The following DMD variants were observed in gnomAD, a reference collection of about 807,000 sequenced individuals.
DMD encodes the protein dystrophin, also known as mutant dystrophin.
DMD carries 63 observed loss-of-function variants against 330.1 expected under a neutral mutation model. The ratio of observed to expected loss-of-function variants is 0.19; its 90% CI spans 0.16 to 0.24. DMD has a LOEUF of 0.24. Among genes scored for constraint, DMD ranks in the 10% least tolerant of loss-of-function variants. DMD has a pLI of 1.00. For synonymous variants in DMD, 1,223 were observed against 959.8 expected (o/e 1.27, Z -5.07); for missense variants, 3,344 against 2,684.1 (o/e 1.25, Z -5.43).
intron 1 of DMD, among the ~76,000 whole-genome samples, chrX:33,039,000 G>T (rs1482083440): frequency 1.8e-5 from 2 of 109,943 alleles, no homozygotes; most frequent in East Asian, 5.7e-4. Flanking sequence ...TCTCAAAAAA[G>T]AAAAAAAAGA....
chrX:32,345,923 T>G lies in DMD; in HGVS notation c.5586+20A>C, dbSNP rs1450070379. ...AAAAAAAACCACAGGCAAGGTATAT[T>G]ATAATTTTAGCTCTAATACCTTGAG... is the stretch of plus-strand genomic sequence containing the variant. On this transcript the variant is annotated intron_variant, in intron 39 of 78. Coordinates refer to ENST00000357033, the MANE Select transcript of DMD (RefSeq NM_004006.3). 2 of 1,206,579 alleles carry G rather than the reference T, an allele frequency of 1.7e-6. No individual in the cohort carries two copies. The highest frequency in any genetic ancestry group is 6.0e-5 in the East Asian group (2 of 33,600).
intron 11 of DMD, among the ~76,000 whole-genome samples, chrX:32,640,885 T>C (rs1337297296): frequency 2.7e-5 from 3 of 111,294 alleles, no homozygotes; most frequent in Admixed American, 9.6e-5. Flanking sequence ...TTCAAAGCCC[T>C]GACTGACACT....
chrX:32,513,187 T>TCA (rs10682174), intron 18 of DMD, among the ~76,000 whole-genome samples: 8,194 of 111,841 alleles, frequency 0.073, 554 homozygotes, highest in African/African-American at 0.21. Context: ...CCAGAGAACA[T>TCA]CAGACTGGCT....
chrX:31,888,077 C>T (rs186784468), intron 47 of DMD, among the ~76,000 whole-genome samples: 18 of 111,234 alleles, frequency 1.6e-4, no homozygotes, highest in South Asian at 3.8e-4. Context: ...TGTTACTTGG[C>T]GGCTGGACTA....
intron 1 of DMD, among the ~76,000 whole-genome samples, chrX:33,103,077 T>TATCTGGTA (rs1306218073): frequency 8.9e-6 from 1 of 111,842 alleles, no homozygotes; most frequent in Non-Finnish European, 1.9e-5. Context: ...GGAATGAGCC[T>TATCTGGTA]ATCTGGTAGG....
chrX:31,126,552 T>TGCAC (rs2033685884), intron 78 of DMD, 90 bp downstream of exon 78: 2 of 792,537 alleles, frequency 2.5e-6, no homozygotes, highest in Admixed American at 4.5e-5. Context: ...CACATGCGCG[T>TGCAC]GCACACACAC....
In DMD at chrX:32,055,091, A is replaced by T. The variant is rs765112723; in HGVS notation, c.6439-86577T>A. Reference sequence around the variant, plus strand: ...CAGCCCATCATAGAGTAGAAGAAACACCGGCCTGGGAGGACAAGTGCCTGT... The same window carrying T: ...CAGCCCATCATAGAGTAGAAGAAACTCCGGCCTGGGAGGACAAGTGCCTGT... On this transcript the variant is annotated intron_variant, in intron 44 of 78. Coordinates refer to ENST00000357033, the MANE Select transcript of DMD (RefSeq NM_004006.3). Among the ~76,000 whole-genome samples the T allele has an allele frequency of 6.7e-4, 75 of 111,600 alleles. 1 individual carries two copies. Among genetic ancestry groups the T allele is most frequent in the Non-Finnish European group, 1.2e-3 (66 of 52,969 alleles).
At chrX:33,205,763 C>T (rs1192330387) in intron 1 of DMD, among the ~76,000 whole-genome samples, 1 of 111,858 alleles carries the variant, frequency 8.9e-6, no homozygotes. Flanking sequence ...GGTAATTGTG[C>T]TCAGCTAACA....
At chrX:33,134,521 C>G (rs1225679891) in intron 1 of DMD, among the ~76,000 whole-genome samples, 2 of 111,605 alleles carry the variant, frequency 1.8e-5, no homozygotes, top group Admixed American at 1.9e-4. Flanking sequence ...CTAAAACATT[C>G]AACACCTCAC....
At chrX:31,445,732 G>C (rs1195900535) in intron 59 of DMD, among the ~76,000 whole-genome samples, 1 of 111,218 alleles carries the variant, frequency 9.0e-6, no homozygotes, top group Non-Finnish European at 1.9e-5. Flanking sequence ...ACTAGAGCAG[G>C]AGTCTCTGAT....
chrX:32,801,766 ATGCTTTCCCCAT>A (rs898087114), intron 7 of DMD, among the ~76,000 whole-genome samples: 17 of 111,315 alleles, frequency 1.5e-4, no homozygotes, highest in Non-Finnish European at 2.8e-4. Flanking sequence ...TAAATAGGGA[ATGCTTTCCCCAT>A]TGCTTGTTTT....
At chrX:32,112,148 C>T (rs998306664) in intron 44 of DMD, among the ~76,000 whole-genome samples, 7 of 108,913 alleles carry the variant, frequency 6.4e-5, no homozygotes, top group South Asian at 3.8e-4. Context: ...AAGGAGATCC[C>T]GTCCCTCGAA....
intron 74 of DMD, among the ~76,000 whole-genome samples, chrX:31,158,837 A>G (rs1417986895): frequency 8.9e-6 from 1 of 112,147 alleles, no homozygotes; most frequent in Non-Finnish European, 1.9e-5. Context: ...CTTCAGAATT[A>G]TCCGTGTGGA....
chrX:32,622,530 T>A (rs1439101177), intron 11 of DMD, among the ~76,000 whole-genome samples: 1 of 111,829 alleles, frequency 8.9e-6, no homozygotes, highest in African/African-American at 3.3e-5. Context: ...TGACCACTCT[T>A]GATCATATTT....
At chrX:32,464,457 T>G (rs2098394372) in intron 24 of DMD, 129 bp downstream of exon 24, 1 of 520,374 alleles carries the variant, frequency 1.9e-6, no homozygotes, top group East Asian at 3.7e-5. Context: ...ATCAAAAACG[T>G]CTAGAAACAT....
At chrX:32,664,342 C>A (rs755892730) in intron 9 of DMD, among the ~76,000 whole-genome samples, 2 of 106,594 alleles carry the variant, frequency 1.9e-5, no homozygotes, top group South Asian at 8.7e-4. Context: ...CCCGGGTTCA[C>A]GCCATTCTCC....
intron 17 of DMD, among the ~76,000 whole-genome samples, chrX:32,528,134 C>T (rs1441481996): frequency 9.0e-6 from 1 of 111,169 alleles, no homozygotes; most frequent in Non-Finnish European, 1.9e-5. Flanking sequence ...CATGACGAAA[C>T]CCCGTCTCTA....
At chrX:32,948,107 GAAAC>G (rs1234320689) in intron 2 of DMD, among the ~76,000 whole-genome samples, 1 of 92,509 alleles carries the variant, frequency 1.1e-5, no homozygotes, top group African/African-American at 4.7e-5. Context: ...GACAGTGAGA[GAAAC>G]AGACACACAC....
intron 67 of DMD, among the ~76,000 whole-genome samples, chrX:31,185,397 C>G (rs2041665891): frequency 8.9e-6 from 1 of 111,736 alleles, no homozygotes. Flanking sequence ...TGCCCCACAT[C>G]TTTTTAAAAC....
Sources: allele counts gnomAD v4.1 joint callset (sites outside exome capture counted in the v4.1 genomes callset), GRCh38; gene constraint gnomAD v4.1.1; transcripts MANE v1.5; gene names NCBI Gene and HGNC (gene_info 2026-07-23, HGNC 2026-07-21).